Variants in ARHGAP18 observed in about 807,000 individuals in gnomAD.
ARHGAP18 encodes Rho GTPase activating protein 18, also known as rho GTPase-activating protein 18.
A neutral mutation model predicts 86.2 loss-of-function variants in ARHGAP18; 67 were observed. The ratio of observed to expected loss-of-function variants is 0.78; its 90% CI spans 0.64 to 0.95. ARHGAP18 has a LOEUF of 0.95. ARHGAP18 is among the 40% of genes least tolerant of loss of function. The pLI, the probability that ARHGAP18 is intolerant of heterozygous loss-of-function variation, is 0.00. For missense variants in ARHGAP18, 691 were observed against 780.4 expected (o/e 0.89, Z 1.37); for synonymous variants, 283 against 280.4 (o/e 1.01, Z -0.09).
chr6:129,690,422 T>C (rs1328493407), intron 1 of ARHGAP18, among the ~76,000 whole-genome samples: 2 of 152,196 alleles, frequency 1.3e-5, no homozygotes, highest in African/African-American at 2.4e-5. Context: ...ATACAACATA[T>C]AACTTCTCCA....
chr6:129,641,990 G>C lies in ARHGAP18; in HGVS notation c.142C>G (p.Gln48Glu). The C allele has an allele frequency of 6.2e-7, 1 of 1,613,886 alleles. No individual in the cohort carries two copies. The highest frequency in any genetic ancestry group is 8.5e-7 in the Non-Finnish European group (1 of 1,179,900). ...ATAACTTTGATGGTGGTGCTTTCCT[G>C]GTTCATAGTGTACTGGCCATATCTG... is the stretch of plus-strand genomic sequence containing the variant. ...SRRYGQYTMN[Q>E]ESTTIKVMEK... The change falls in exon 2 of 15, where the codon CAG (glutamine) becomes GAG (glutamate). Residue 48 changes from glutamine to glutamate, a missense_variant. Gln to Glu is a conservative substitution (Grantham distance 29, BLOSUM62 2). Transcript: ENST00000368149.
chr6:129,618,651 A>G, intron 6 of ARHGAP18, 36 bp downstream of exon 6: 1 of 1,543,506 alleles, frequency 6.5e-7, no homozygotes, highest in Non-Finnish European at 8.8e-7. Flanking sequence ...TTGCTATTTT[A>G]GAAATAAATC....
intron 10 of ARHGAP18, among the ~76,000 whole-genome samples, chr6:129,605,395 T>G (rs553360177): frequency 7.4e-4 from 113 of 152,302 alleles, no homozygotes; most frequent in African/African-American, 2.7e-3. Context: ...CTAACAATTG[T>G]GTCAAATCAC....
intron 5 of ARHGAP18, among the ~76,000 whole-genome samples, chr6:129,626,061 CAT>C (rs1251179577): frequency 5.9e-5 from 4 of 67,634 alleles, no homozygotes; most frequent in African/African-American, 2.5e-4. Flanking sequence ...TATATATACA[CAT>C]ATACACACAC....
At chr6:129,638,040 A>AAAGTAG (rs1562704578) in intron 3 of ARHGAP18, among the ~76,000 whole-genome samples, 3 of 152,222 alleles carry the variant, frequency 2.0e-5, no homozygotes, top group Non-Finnish European at 2.9e-5. Context: ...TAGATAGGGA[A>AAAGTAG]GAATACCCTA....
At chr6:129,632,701 C>G (rs1773244910) in intron 4 of ARHGAP18, among the ~76,000 whole-genome samples, 1 of 152,108 alleles carries the variant, frequency 6.6e-6, no homozygotes, top group Non-Finnish European at 1.5e-5. Flanking sequence ...GAAACATCCA[C>G]AGAATAATAA....
chr6:129,703,790 G>T (rs1423072004), intron 1 of ARHGAP18, among the ~76,000 whole-genome samples: 1 of 152,250 alleles, frequency 6.6e-6, no homozygotes, highest in Non-Finnish European at 1.5e-5. Flanking sequence ...TCATGAAATT[G>T]AAGAAGAGAT....
At chr6:129,680,991 C>T (rs893744218) in intron 1 of ARHGAP18, among the ~76,000 whole-genome samples, 3 of 152,168 alleles carry the variant, frequency 2.0e-5, no homozygotes, top group African/African-American at 4.8e-5. Context: ...AATCCTGACT[C>T]GCCTCCTTCT....
chr6:129,675,325 A>G (rs1361923629), intron 1 of ARHGAP18, among the ~76,000 whole-genome samples: 1 of 150,378 alleles, frequency 6.6e-6, no homozygotes, highest in Non-Finnish European at 1.5e-5. Context: ...CAGAGCTTGC[A>G]GTGAACCGAG....
intron 7 of ARHGAP18, among the ~76,000 whole-genome samples, chr6:129,616,003 T>C (rs1789089367): frequency 6.6e-6 from 1 of 152,168 alleles, no homozygotes; most frequent in Non-Finnish European, 1.5e-5. Flanking sequence ...TGACGCCAGG[T>C]AATCACAGTT....
intron 7 of ARHGAP18, 151 bp downstream of exon 7, chr6:129,616,061 C>A (rs1789090965): frequency 3.7e-6 from 2 of 536,314 alleles, no homozygotes; most frequent in Non-Finnish European, 3.1e-6. Flanking sequence ...ACTTATGAGC[C>A]CTTGAAACCA....
At chr6:129,705,522 A>C (rs1774789587) in intron 1 of ARHGAP18, among the ~76,000 whole-genome samples, 1 of 152,224 alleles carries the variant, frequency 6.6e-6, no homozygotes, top group Non-Finnish European at 1.5e-5. Context: ...TGATATTTCC[A>C]AGGTCTTTCA....
chr6:129,664,388 A>C (rs144123546), intron 1 of ARHGAP18, among the ~76,000 whole-genome samples: 2,139 of 152,258 alleles, frequency 0.014, 59 homozygotes, highest in African/African-American at 0.048. Flanking sequence ...GTAAAATAGG[A>C]AAGTTAGACT....
At chr6:129,682,824 AAC>A (rs572715484) in intron 1 of ARHGAP18, among the ~76,000 whole-genome samples, 148 of 152,370 alleles carry the variant, frequency 9.7e-4, no homozygotes, top group African/African-American at 3.3e-3. Context: ...TGAACAATAA[AAC>A]ACAATAAGAA....
chr6:129,665,577 T>C (rs767460014), intron 1 of ARHGAP18, among the ~76,000 whole-genome samples: 2 of 151,976 alleles, frequency 1.3e-5, no homozygotes, highest in Non-Finnish European at 2.9e-5. Context: ...AAATAAAAAA[T>C]AATCAAGTAA....
chr6:129,625,273 ATT>A lies in ARHGAP18; in HGVS notation c.786+4078_786+4079del, dbSNP rs1554336053. ...GTAATATATATGATATATGATATAT[ATT>A]TATATGTAATATATATGATATATGA... On this transcript the variant is annotated intron_variant, in intron 5 of 14. Transcript: ENST00000368149. Among the ~76,000 whole-genome samples the A allele has an allele frequency of 1.1e-4, 8 of 70,448 alleles. 2 individuals are homozygous for A. In the South Asian group the frequency reaches 3.5e-3, roughly 31 times the overall value. The allele number at this position is 70,448 out of a possible 152,430, so 46.2% of individuals were successfully genotyped here.
chr6:129,669,008 A>T (rs1478373333), intron 1 of ARHGAP18, among the ~76,000 whole-genome samples: 1 of 152,212 alleles, frequency 6.6e-6, no homozygotes, highest in South Asian at 2.1e-4. Context: ...GAGGACTAGA[A>T]ATATTCACAT....
intron 5 of ARHGAP18, among the ~76,000 whole-genome samples, chr6:129,622,502 C>T (rs1011854094): frequency 2.0e-5 from 3 of 152,090 alleles, no homozygotes; most frequent in African/African-American, 7.2e-5. Flanking sequence ...ATGTCATGAG[C>T]TTATTTATTT....
chr6:129,629,299 GTA>G (rs1378848335), intron 5 of ARHGAP18, 52 bp downstream of exon 5: 16 of 1,405,812 alleles, frequency 1.1e-5, no homozygotes, highest in Admixed American at 8.9e-5. Context: ...ATGTGTGTGT[GTA>G]TATATATGTA....
Sources: gnomAD v4.1 joint callset for allele counts (sites outside exome capture counted in the v4.1 genomes callset) on GRCh38, gnomAD v4.1.1 for gene constraint, MANE v1.5 for transcripts, NCBI Gene and HGNC (gene_info 2026-07-23, HGNC 2026-07-21) for gene names.